Variants in GRM8 observed in about 807,000 individuals in gnomAD.
The protein encoded by GRM8 is glutamate metabotropic receptor 8, also known as metabotropic glutamate receptor 8.
In GRM8, 47 loss-of-function variants were observed where a neutral mutation model predicts 87.2. The ratio of observed to expected loss-of-function variants is 0.54; its 90% confidence interval spans 0.43 to 0.69. The LOEUF is 0.69. Ranked by LOEUF, GRM8 falls within the 30% of genes least tolerant of loss-of-function variation. The probability of loss-of-function intolerance (pLI) is 0.00; values close to 1 mark genes in which losing one functional copy is unlikely to be tolerated. For synonymous variants in GRM8, 396 were observed against 404.5 expected, an observed-to-expected ratio of 0.98 and a Z score of 0.25; for missense variants, 1,019 against 1,139.2, an observed-to-expected ratio of 0.89 and a Z score of 1.52.
At chr7:126,475,779 T>C (rs377101616) in intron 9 of GRM8, among the ~76,000 whole-genome samples, 12 of 152,074 alleles carry the variant, frequency 7.9e-5, no homozygotes, top group African/African-American at 2.4e-4. Context: ...TATAGACCAA[T>C]GGAACACAAT....
chr7:127,001,494 G>T (rs1019043677), intron 3 of GRM8, among the ~76,000 whole-genome samples: 2 of 151,392 alleles, frequency 1.3e-5, no homozygotes, highest in African/African-American at 4.8e-5. Context: ...AAATACAAAG[G>T]CCACTAAGTA....
intron 2 of GRM8, among the ~76,000 whole-genome samples, chr7:127,114,440 G>T (rs765479855): frequency 3.3e-5 from 5 of 152,184 alleles, no homozygotes; most frequent in Non-Finnish European, 5.9e-5. Context: ...AAAGGGGCCT[G>T]TGGTTAGTTA....
intron 3 of GRM8, among the ~76,000 whole-genome samples, chr7:126,945,536 A>C (rs964125682): frequency 2.0e-5 from 3 of 152,224 alleles, no homozygotes; most frequent in Admixed American, 6.5e-5. Context: ...TTTCATGCCC[A>C]AAATTGTTAA....
chr7:126,493,460 A>AT (rs1348986201), intron 9 of GRM8, among the ~76,000 whole-genome samples: 2 of 152,014 alleles, frequency 1.3e-5, no homozygotes, highest in African/African-American at 2.4e-5. Context: ...CAAAAGATTA[A>AT]TAGGGATGTG....
At chr7:126,749,045 G>A (rs1410203536) in intron 7 of GRM8, among the ~76,000 whole-genome samples, 8 of 152,068 alleles carry the variant, frequency 5.3e-5, no homozygotes, top group South Asian at 2.1e-4. Context: ...AGGCCAAGGC[G>A]GGTGGATCAC....
chr7:126,879,212 A>T (rs1214899673), intron 6 of GRM8, among the ~76,000 whole-genome samples: 1 of 151,892 alleles, frequency 6.6e-6, no homozygotes, highest in Non-Finnish European at 1.5e-5. Context: ...AAAAAAAAAC[A>T]TGATGAGGCT....
At chr7:126,649,439 C>T (rs1234005561) in intron 7 of GRM8, among the ~76,000 whole-genome samples, 1 of 152,188 alleles carries the variant, frequency 6.6e-6, no homozygotes, top group Non-Finnish European at 1.5e-5. Context: ...AGTTCTTCAG[C>T]TTTGGGACTC....
chr7:127,000,347 G>T (rs1813606509), intron 3 of GRM8, among the ~76,000 whole-genome samples: 1 of 151,564 alleles, frequency 6.6e-6, no homozygotes, highest in South Asian at 2.1e-4. Flanking sequence ...ACAAAAGGGT[G>T]ACTATAGTCA....
chr7:126,595,184 G>T (rs1797042643), intron 8 of GRM8, among the ~76,000 whole-genome samples: 1 of 151,730 alleles, frequency 6.6e-6, no homozygotes, highest in South Asian at 2.1e-4. Context: ...AGGTTCAGAG[G>T]TACATGTGAA....
chr7:127,174,990 T>C (rs1283282082), intron 2 of GRM8, among the ~76,000 whole-genome samples: 2 of 152,178 alleles, frequency 1.3e-5, no homozygotes, highest in Admixed American at 6.6e-5. Flanking sequence ...CTTTCATAAA[T>C]GACAGCTTCT....
chr7:127,037,003 CA>C (rs1817909827), intron 3 of GRM8, among the ~76,000 whole-genome samples: 1 of 152,036 alleles, frequency 6.6e-6, no homozygotes, highest in Non-Finnish European at 1.5e-5. Context: ...AATAGACAAA[CA>C]GAAGGATAAG....
chr7:126,880,584 G>A (rs1232188978), intron 6 of GRM8, among the ~76,000 whole-genome samples: 1 of 152,174 alleles, frequency 6.6e-6, no homozygotes, highest in Non-Finnish European at 1.5e-5. Flanking sequence ...GTTACATCAA[G>A]GCATATGGGC....
At chr7:126,821,346 G>A (rs1794280873) in intron 6 of GRM8, among the ~76,000 whole-genome samples, 1 of 151,938 alleles carries the variant, frequency 6.6e-6, no homozygotes, top group Non-Finnish European at 1.5e-5. Context: ...CAGTGCCTTA[G>A]GAAATCAGCC....
At chr7:126,554,416 C>A (rs1562950912) in intron 8 of GRM8, among the ~76,000 whole-genome samples, 1 of 139,354 alleles carries the variant, frequency 7.2e-6, no homozygotes, top group African/African-American at 2.7e-5. Flanking sequence ...CCAATTTCTA[C>A]AAATAATAAT....
intron 6 of GRM8, among the ~76,000 whole-genome samples, chr7:126,821,149 T>C (rs146512544): frequency 6.6e-6 from 1 of 152,186 alleles, no homozygotes; most frequent in Admixed American, 6.5e-5. Context: ...TTTCTACTGA[T>C]CCCTTAAACT....
At chr7:126,700,056 C>T (rs948517347) in intron 7 of GRM8, among the ~76,000 whole-genome samples, 1 of 152,106 alleles carries the variant, frequency 6.6e-6, no homozygotes, top group Admixed American at 6.6e-5. Flanking sequence ...AGAACCAAGG[C>T]ACACACACTG....
chr7:126,803,022 G>A (rs558512216), intron 6 of GRM8, among the ~76,000 whole-genome samples: 1 of 152,136 alleles, frequency 6.6e-6, no homozygotes, highest in South Asian at 2.1e-4. Flanking sequence ...TGAGATGGAG[G>A]CTGATTTAAC....
intron 8 of GRM8, among the ~76,000 whole-genome samples, chr7:126,588,360 T>C (rs563204853): frequency 6.6e-6 from 1 of 152,172 alleles, no homozygotes; most frequent in South Asian, 2.1e-4. Flanking sequence ...GGTGGGGGTA[T>C]AAATTATTTC....
intron 7 of GRM8, among the ~76,000 whole-genome samples, chr7:126,699,979 G>C (rs962801524): frequency 6.6e-6 from 1 of 152,142 alleles, no homozygotes; most frequent in Non-Finnish European, 1.5e-5. Flanking sequence ...GAGTAAGTAA[G>C]CATCACTGCA....
Sources: gnomAD v4.1 joint callset for allele counts (sites outside exome capture counted in the v4.1 genomes callset) on GRCh38, gnomAD v4.1.1 for gene constraint, MANE v1.5 for transcripts, NCBI Gene and HGNC (gene_info 2026-07-23, HGNC 2026-07-21) for gene names.